Variants in LHFPL6 observed in about 807,000 individuals in gnomAD.
LHFPL6 encodes LHFPL tetraspan subfamily member 6 protein.
Under a neutral mutation model 20.6 loss-of-function variants are expected in LHFPL6, and 9 were observed. The observed-to-expected ratio is 0.44, with a 90% CI of 0.26 to 0.76. The LOEUF is 0.76. Among genes scored for constraint, LHFPL6 ranks in the 30% least tolerant of loss-of-function variants. The pLI, the probability that LHFPL6 is intolerant of heterozygous loss-of-function variation, is 0.20. For synonymous variants in LHFPL6, 105 were observed against 98.7 expected (o/e 1.06, Z -0.38); for missense variants, 218 against 253.5 (o/e 0.86, Z 0.95).
At chr13:39,418,154 G>T (rs1323802252) in intron 2 of LHFPL6, among the ~76,000 whole-genome samples, 1 of 152,030 alleles carries the variant, frequency 6.6e-6, no homozygotes, top group African/African-American at 2.4e-5. Flanking sequence ...AAACAAGTAA[G>T]TCCTGGTCAA....
chr13:39,496,608 T>C (rs1290915897), intron 2 of LHFPL6, among the ~76,000 whole-genome samples: 2 of 152,158 alleles, frequency 1.3e-5, no homozygotes, highest in Non-Finnish European at 2.9e-5. Flanking sequence ...AAGAAAAACA[T>C]CCCTTCTGGA....
chr13:39,558,346 C>T (rs1593362491), intron 2 of LHFPL6, among the ~76,000 whole-genome samples: 2 of 152,280 alleles, frequency 1.3e-5, no homozygotes, highest in East Asian at 1.9e-4. Flanking sequence ...AACATACATG[C>T]AATGCCTATA....
intron 2 of LHFPL6, among the ~76,000 whole-genome samples, chr13:39,565,210 A>C (rs1197035529): frequency 2.6e-5 from 1 of 37,960 alleles, no homozygotes; most frequent in Non-Finnish European, 5.3e-5. Context: ...ACAGAGAAAA[A>C]GCAGTTGAAT....
At chr13:39,512,994 T>G (rs1010659088) in intron 2 of LHFPL6, among the ~76,000 whole-genome samples, 10 of 152,244 alleles carry the variant, frequency 6.6e-5, no homozygotes, top group African/African-American at 2.4e-4. Context: ...GTCCTGGGTG[T>G]TATTAGAGAA....
intron 3 of LHFPL6, among the ~76,000 whole-genome samples, chr13:39,359,529 A>G (rs1434325061): frequency 6.6e-6 from 1 of 152,224 alleles, no homozygotes; most frequent in Non-Finnish European, 1.5e-5. Flanking sequence ...TTAATGCAGA[A>G]ACAGAAAAGC....
rs796604574 is a variant in LHFPL6 at position 39,377,783 on chromosome 13, T to G, written c.484+645A>C. ...ACAAATTTGTGAGTTAAGAGCCTTT[T>G]ATCAATGTGCAGACTCTCACCCAAT... On this transcript the variant is annotated intron_variant, in intron 3 of 3. Transcript: ENST00000379589. 6.9e-4 allele frequency among the ~76,000 whole-genome samples: 105 copies of G among 152,378 alleles called. 1 individual carries two copies. Among genetic ancestry groups the G allele is most frequent in the African/African-American group, 2.3e-3 (94 of 41,586 alleles).
chr13:39,551,815 C>T (rs1194973859), intron 2 of LHFPL6, among the ~76,000 whole-genome samples: 10 of 152,140 alleles, frequency 6.6e-5, no homozygotes, highest in African/African-American at 2.2e-4. Flanking sequence ...TCACCCCTGC[C>T]TATCCCTCAC....
chr13:39,477,216 G>A (rs1473611990), intron 2 of LHFPL6, among the ~76,000 whole-genome samples: 7 of 151,748 alleles, frequency 4.6e-5, no homozygotes, highest in Non-Finnish European at 8.8e-5. Context: ...CTCCTCCTTC[G>A]TGACTCTGAA....
chr13:39,468,381 T>A (rs556131593), intron 2 of LHFPL6, among the ~76,000 whole-genome samples: 2 of 152,256 alleles, frequency 1.3e-5, no homozygotes, highest in Admixed American at 1.3e-4. Flanking sequence ...AATCATTTGA[T>A]CCCAAAGAAT....
chr13:39,345,993 T>C (rs1869390785), intron 3 of LHFPL6, among the ~76,000 whole-genome samples: 1 of 152,198 alleles, frequency 6.6e-6, no homozygotes, highest in Non-Finnish European at 1.5e-5. Flanking sequence ...GGGTGGGGTT[T>C]GCATAGACCT....
At chr13:39,543,996 C>T (rs1009130524) in intron 2 of LHFPL6, among the ~76,000 whole-genome samples, 11 of 152,066 alleles carry the variant, frequency 7.2e-5, no homozygotes, top group East Asian at 1.9e-4. Context: ...TTTTATATTT[C>T]GACTAGTTGG....
At chr13:39,446,119 C>G (rs1241359359) in intron 2 of LHFPL6, among the ~76,000 whole-genome samples, 1 of 152,154 alleles carries the variant, frequency 6.6e-6, no homozygotes, top group Admixed American at 6.5e-5. Flanking sequence ...AGGAAATGAG[C>G]ATGGTAGTTA....
chr13:39,479,041 A>AGAT (rs1868407779), intron 2 of LHFPL6, among the ~76,000 whole-genome samples: 2 of 130,558 alleles, frequency 1.5e-5, no homozygotes, highest in Non-Finnish European at 3.3e-5. Context: ...AGATATAGAT[A>AGAT]GATAGATAGA....
At chr13:39,367,879 A>G (rs1870052933) in intron 3 of LHFPL6, among the ~76,000 whole-genome samples, 1 of 152,240 alleles carries the variant, frequency 6.6e-6, no homozygotes, top group African/African-American at 2.4e-5. Flanking sequence ...CTCTTCTACC[A>G]GTGTCATCAA....
intron 2 of LHFPL6, among the ~76,000 whole-genome samples, chr13:39,496,132 T>G (rs999583017): frequency 6.6e-6 from 1 of 152,202 alleles, no homozygotes; most frequent in Non-Finnish European, 1.5e-5. Flanking sequence ...TTGTCTGGGC[T>G]GCTGTGACAA....
intron 2 of LHFPL6, among the ~76,000 whole-genome samples, chr13:39,554,424 C>T (rs964011890): frequency 6.6e-6 from 1 of 152,202 alleles, no homozygotes; most frequent in African/African-American, 2.4e-5. Flanking sequence ...GACATATCAT[C>T]CCATAAATGC....
rs1418075485 is a variant in LHFPL6, at chr13:39,600,871, T to C, written c.346A>G (p.Thr116Ala). The C allele has an allele frequency of 2.6e-6, 4 of 1,533,386 alleles. No homozygotes were observed. The South Asian group carries it at 3.9e-5, about 15-fold the overall frequency. 95.0% of individuals were successfully genotyped at this position (1,533,386 alleles called of 1,614,324 possible). A position where few individuals can be genotyped will look rare whatever the true frequency, so the allele number is the denominator to read the frequency against. ...ATTCCTCCAGCCACTCTTCCCACTG[T>C]CCTGGAGATGAGGTCGGAAACACAG... Reference protein sequence around the residue: ...GCCVSDLISRTVGRVAGGIQF... With the variant: ...GCCVSDLISRAVGRVAGGIQF... The change falls in exon 2 of 4, where the codon ACA (threonine) becomes GCA (alanine). Residue 116 changes from threonine (T) to alanine (A), a missense_variant. Physicochemically the swap from Thr to Ala is moderately conservative, Grantham distance 58. Transcript: ENST00000379589.
intron 2 of LHFPL6, among the ~76,000 whole-genome samples, chr13:39,509,880 C>A (rs1249642925): frequency 6.6e-6 from 1 of 152,180 alleles, no homozygotes; most frequent in Non-Finnish European, 1.5e-5. Context: ...GGTGAGGCTG[C>A]AGTCAGCCAT....
chr13:39,367,263 A>G (rs1870037752), intron 3 of LHFPL6, among the ~76,000 whole-genome samples: 1 of 152,180 alleles, frequency 6.6e-6, no homozygotes, highest in Non-Finnish European at 1.5e-5. Flanking sequence ...ATGGGGTACT[A>G]TGTTCCCTAC....
Sources: gnomAD v4.1 joint callset for allele counts (sites outside exome capture counted in the v4.1 genomes callset) on GRCh38, gnomAD v4.1.1 for gene constraint, MANE v1.5 for transcripts, NCBI Gene and HGNC (gene_info 2026-07-23, HGNC 2026-07-21) for gene names.